The following ZNF789 variants were observed in gnomAD, a reference collection of about 807,000 sequenced individuals.
ZNF789 encodes zinc finger protein 789.
ZNF789 carries 11 observed loss-of-function variants against 15.6 expected under a neutral mutation model. That is an observed-to-expected ratio of 0.70 (90% CI 0.44 to 1.16). The LOEUF (loss-of-function observed/expected upper bound fraction) is 1.16, where lower values mean the gene tolerates loss of function less well. Among genes scored for constraint, ZNF789 ranks in the 50% most tolerant of loss-of-function variants. ZNF789 has a pLI of 0.00. For synonymous variants in ZNF789, 159 were observed against 176.0 expected (o/e 0.90, Z 0.76); for missense variants, 461 against 512.6 (o/e 0.90, Z 0.97).
In ZNF789 at chr7:99,477,896, C is replaced by G. The variant is rs562540900; in HGVS notation, c.24+1416C>G. ...CGAGGAGGTGGAGGTTGCAGTGAGC[C>G]GAGATCGCGCCATTGCACTCTAGCC... On this transcript the variant is annotated intron_variant, in intron 2 of 4. Coordinates refer to ENST00000331410, the MANE Select transcript of ZNF789 (RefSeq NM_213603.3). Among the ~76,000 whole-genome samples the G allele has an allele frequency of 1.8e-4, 28 of 152,206 alleles. No homozygotes were observed. The South Asian group carries it at 5.8e-3, about 32-fold the overall frequency.
At chr7:99,475,262 C>T (rs1021562132) in intron 1 of ZNF789, among the ~76,000 whole-genome samples, 10 of 151,918 alleles carry the variant, frequency 6.6e-5, no homozygotes, top group African/African-American at 1.9e-4. Flanking sequence ...GGCATGGCGG[C>T]GGGTGCCTGT....
intron 3 of ZNF789, chr7:99,483,527 A>G (rs888853090): frequency 7.4e-6 from 4 of 543,254 alleles, no homozygotes; most frequent in Non-Finnish European, 1.3e-5. Flanking sequence ...GCTACTTGGG[A>G]GGCTGAGGCA....
At chr7:99,478,325 G>A in intron 2 of ZNF789, 1 of 1,289,714 alleles carries the variant, frequency 7.8e-7, no homozygotes, top group Non-Finnish European at 1.0e-6. Context: ...TGGCAGCGCA[G>A]CTCTGGTAAA....
At chr7:99,479,985 C>A in intron 3 of ZNF789, 198 bp downstream of exon 3, 1 of 659,282 alleles carries the variant, frequency 1.5e-6, no homozygotes, top group Non-Finnish European at 2.3e-6. Context: ...CATTTATTGT[C>A]TTTATTTTTC....
Position 99,482,185 on chromosome 7 carries a change from A to T in ZNF789, c.152-1845A>T, listed in dbSNP as rs368457183. On this transcript the variant is annotated intron_variant, in intron 3 of 4. Coordinates refer to ENST00000331410, the MANE Select transcript of ZNF789 (RefSeq NM_213603.3). ...CAGTTTATTTCCAGTTTGATGCTGC[A>T]ATACCACTGTGCTGAACGTCTCTGG... is the stretch of plus-strand genomic sequence containing the variant. The T allele has an allele frequency of 5.1e-6, 4 of 779,128 alleles. No homozygotes were observed. In the African/African-American group the frequency reaches 6.8e-5, roughly 13 times the overall value. The allele number at this position is 779,128 out of a possible 1,614,324, so 48.3% of individuals were successfully genotyped here.
At chr7:99,479,912 G>C in intron 3 of ZNF789, 125 bp downstream of exon 3, 1 of 1,355,002 alleles carries the variant, frequency 7.4e-7, no homozygotes, top group Admixed American at 2.7e-5. Context: ...TTTATAACTC[G>C]TGTGGCTACA....
At chr7:99,475,806 CTTTTTTT>C (rs59681284) in intron 1 of ZNF789, among the ~76,000 whole-genome samples, 6 of 128,370 alleles carry the variant, frequency 4.7e-5, no homozygotes, top group Admixed American at 8.1e-5. Flanking sequence ...TTTTTTCTTT[CTTTTTTT>C]TTTTTTTTTT....
intron 1 of ZNF789, among the ~76,000 whole-genome samples, chr7:99,473,566 C>T (rs1406810694): frequency 6.6e-6 from 1 of 151,994 alleles, no homozygotes; most frequent in Non-Finnish European, 1.5e-5. Context: ...ATCATGCGGA[C>T]GAGAAAAAAG....
At position 99,487,594 on chromosome 7, in the gene ZNF789, T is replaced by G. The variant is rs914531106; in HGVS notation, c.*106T>G. 5.2e-6 allele frequency: 7 copies of G among 1,355,016 alleles called. No homozygotes were observed. In the African/African-American group the frequency reaches 1.0e-4, roughly 20 times the overall value. The allele number at this position is 1,355,016 out of a possible 1,614,324, so 83.9% of individuals were successfully genotyped here. On this transcript the variant is annotated 3_prime_UTR_variant, in exon 5 of 5. Coordinates refer to ENST00000331410, the MANE Select transcript of ZNF789 (RefSeq NM_213603.3). ...AAAAGCAATAAATGTAACAAAGGGT[T>G]TTTCTATGGGAGCCATCTTTGTGTA...
intron 1 of ZNF789, among the ~76,000 whole-genome samples, chr7:99,475,806 C>CT (rs59681284): frequency 0.25 from 31,811 of 128,280 alleles, 6,489 homozygotes; most frequent in African/African-American, 0.55. Flanking sequence ...TTTTTTCTTT[C>CT]TTTTTTTTTT....
In ZNF789 at chr7:99,476,139, C is replaced by G. The variant is rs190551854; in HGVS notation, c.-54-264C>G. On this transcript the variant is annotated intron_variant, in intron 1 of 4. Transcript: ENST00000331410. The stretch of plus-strand genomic sequence containing the variant: ...TTTATATGTGGTCTATCTGCTGTCC[C>G]TTTGTATATGAGGTGCAGAGTATGA... The G allele has an allele frequency of 2.6e-3, 830 of 322,282 alleles. 4 individuals carry two copies. Among genetic ancestry groups the G allele is most frequent in the Non-Finnish European group, 3.3e-3 (576 of 174,964 alleles). 20.0% of individuals were successfully genotyped at this position (322,282 alleles called of 1,614,324 possible). A position where few individuals can be genotyped will look rare whatever the true frequency, so the allele number is the denominator to read the frequency against.
intron 4 of ZNF789, chr7:99,485,152 T>C (rs1042392428): frequency 1.3e-6 from 2 of 1,532,386 alleles, no homozygotes; most frequent in African/African-American, 2.7e-5. Flanking sequence ...GTTTTCATAT[T>C]ACTCCCGTAT....
At position 99,487,502 on chromosome 7, in the gene ZNF789, G is replaced by A. The variant is rs774902518; in HGVS notation, c.*14G>A. The A allele has an allele frequency of 2.6e-5, 41 of 1,598,012 alleles. No homozygotes were observed. Among genetic ancestry groups the A allele is most frequent in the Non-Finnish European group, 3.5e-5 (41 of 1,171,678 alleles). ...ATATCCACATGATGTTAATTGGAAAGCAGTCATTGGAGAACTAGAACTTAT... is the reference window on the plus strand; with the variant it reads ...ATATCCACATGATGTTAATTGGAAAACAGTCATTGGAGAACTAGAACTTAT... On this transcript the variant is annotated 3_prime_UTR_variant, in exon 5 of 5. Coordinates refer to ENST00000331410, the MANE Select transcript of ZNF789 (RefSeq NM_213603.3).
At chr7:99,477,747 A>T (rs948186642) in intron 2 of ZNF789, among the ~76,000 whole-genome samples, 1 of 152,168 alleles carries the variant, frequency 6.6e-6, no homozygotes. Flanking sequence ...GGAGTTTGAG[A>T]CCAGCCTGGC....
At chr7:99,477,136 G>A (rs1173073611) in intron 2 of ZNF789, among the ~76,000 whole-genome samples, 2 of 151,060 alleles carry the variant, frequency 1.3e-5, no homozygotes, top group African/African-American at 2.4e-5. Context: ...TCTGCCTCCC[G>A]GGTTCAAGTG....
At chr7:99,475,726 G>C (rs1213957983) in intron 1 of ZNF789, among the ~76,000 whole-genome samples, 1 of 152,092 alleles carries the variant, frequency 6.6e-6, no homozygotes, top group African/African-American at 2.4e-5. Flanking sequence ...TCCTGATTTG[G>C]GGCCCATGCC....
At chr7:99,483,973 G>A (rs370878088) in intron 3 of ZNF789, 57 bp from the exon 4 acceptor site, 16 of 1,412,594 alleles carry the variant, frequency 1.1e-5, no homozygotes, top group African/African-American at 5.7e-5. Context: ...ACTGAGCCCC[G>A]GGCCATGTCT....
chr7:99,486,948 C>T lies in ZNF789; in HGVS notation c.738C>T (p.Val246=). Residue 246 remains valine, a synonymous_variant, in exon 5 of 5, where the codon GTC becomes GTT. Coordinates refer to ENST00000331410, the MANE Select transcript of ZNF789 (RefSeq NM_213603.3). Reference sequence around the variant, plus strand: ...TCAGACAGCGGTCAGCTCTTACGGTCCATAAACAGTGTCACCTGCAAAACA... The same window carrying T: ...TCAGACAGCGGTCAGCTCTTACGGTTCATAAACAGTGTCACCTGCAAAACA... The part of the protein sequence containing the change: ...QAFRQRSALT[V]HKQCHLQNKP... 1 of 1,614,132 alleles carries T rather than the reference C, an allele frequency of 6.2e-7. No homozygotes were observed. Among genetic ancestry groups the T allele is most frequent in the Non-Finnish European group, 8.5e-7 (1 of 1,180,050 alleles).
At chr7:99,484,279 T>A in intron 4 of ZNF789, 136 bp downstream of exon 4, 1 of 630,334 alleles carries the variant, frequency 1.6e-6, no homozygotes, top group Non-Finnish European at 2.8e-6. Context: ...CCTACTGCCC[T>A]GTGAAGTGGG....
Sources: gnomAD v4.1 joint callset for allele counts (sites outside exome capture counted in the v4.1 genomes callset) on GRCh38, gnomAD v4.1.1 for gene constraint, MANE v1.5 for transcripts, NCBI Gene and HGNC (gene_info 2026-07-23, HGNC 2026-07-21) for gene names.